SGCD: variants seen among roughly 807,000 people sequenced by gnomAD.
SGCD encodes delta-sarcoglycan.
SGCD carries 18 observed loss-of-function variants against 36.6 expected under a neutral mutation model. The observed-to-expected ratio is 0.49, with a 90% CI of 0.34 to 0.73. The LOEUF is 0.73. Among genes scored for constraint, SGCD ranks in the 30% least tolerant of loss-of-function variants. The probability of loss-of-function intolerance (pLI) is 0.01; values close to 1 mark genes in which losing one functional copy is unlikely to be tolerated. For missense variants in SGCD, 387 were observed against 346.7 expected (o/e 1.12, Z -0.92); for synonymous variants, 133 against 130.6 (o/e 1.02, Z -0.12).
At chr5:156,530,434 A>G (rs1757838557) in intron 4 of SGCD, among the ~76,000 whole-genome samples, 1 of 152,210 alleles carries the variant, frequency 6.6e-6, no homozygotes, top group Non-Finnish European at 1.5e-5. Context: ...TTTATGGCTG[A>G]CTTCAGTTGC....
chr5:155,796,617 A>T, the SGCD span, among the ~76,000 whole-genome samples: 3 of 151,944 alleles, frequency 2.0e-5, no homozygotes, highest in African/African-American at 7.3e-5. Context: ...CAGCCTGACC[A>T]ACATGGAGAA....
intron 4 of SGCD, among the ~76,000 whole-genome samples, chr5:156,576,145 T>C (rs559108253): frequency 9.9e-5 from 15 of 151,842 alleles, no homozygotes; most frequent in African/African-American, 3.6e-4. Context: ...TCCTTGTTCA[T>C]TTCCCACCTA....
At chr5:155,962,207 A>G (rs1358674427) in intron 1 of SGCD, among the ~76,000 whole-genome samples, 1 of 152,090 alleles carries the variant, frequency 6.6e-6, no homozygotes, top group East Asian at 1.9e-4. Context: ...TTTCTTAATC[A>G]TCAGGTTTTA....
At chr5:156,422,259 T>A (rs1773344635) in intron 3 of SGCD, among the ~76,000 whole-genome samples, 1 of 152,064 alleles carries the variant, frequency 6.6e-6, no homozygotes, top group South Asian at 2.1e-4. Context: ...CCCTGTTTGC[T>A]CCCCAAATGT....
At chr5:156,166,214 T>A (rs920155096) in intron 3 of SGCD, among the ~76,000 whole-genome samples, 2 of 152,006 alleles carry the variant, frequency 1.3e-5, no homozygotes, top group African/African-American at 4.8e-5. Flanking sequence ...TATCTTTTTT[T>A]AAAATTACTA....
At chr5:156,685,728 C>G (rs1403170106) in intron 7 of SGCD, among the ~76,000 whole-genome samples, 1 of 152,326 alleles carries the variant, frequency 6.6e-6, no homozygotes, top group South Asian at 2.1e-4. Flanking sequence ...TGGCAGTAAC[C>G]AGTATCTACA....
At chr5:155,756,551 G>A in the SGCD span, among the ~76,000 whole-genome samples, 1 of 152,110 alleles carries the variant, frequency 6.6e-6, no homozygotes, top group Admixed American at 6.6e-5. Flanking sequence ...CCCTAGAGTT[G>A]TTGTAGGGAT....
chr5:156,526,943 G>A (rs371946048), intron 4 of SGCD, among the ~76,000 whole-genome samples: 4 of 152,274 alleles, frequency 2.6e-5, no homozygotes, highest in Admixed American at 6.5e-5. Flanking sequence ...GGCTTTGGTC[G>A]ATCTCAGTTA....
chr5:156,072,231 G>T, intron 1 of SGCD, among the ~76,000 whole-genome samples: 1 of 152,050 alleles, frequency 6.6e-6, no homozygotes, highest in African/African-American at 2.4e-5. Flanking sequence ...AGCCTCGATG[G>T]TCTTTACAAT....
At position 156,508,681 on chromosome 5, in the gene SGCD, C is replaced by T. The variant is rs1453972620; in HGVS notation, c.273C>T (p.Ala91=). ...GDSEFLQPLY[A]KEIQSRPGNA... is the part of the protein sequence containing the mutation. ...CTGAATTCTTACAACCTCTCTACGC[C>T]AAAGAAATCCAGTCCCGACCAGTAA... is the stretch of plus-strand genomic sequence containing the variant. Residue 91 remains alanine, a synonymous_variant, in exon 4 of 9, where the codon GCC becomes GCT. Transcript: ENST00000337851. The T allele has an allele frequency of 4.4e-6, 7 of 1,602,460 alleles. No homozygotes were observed. Among genetic ancestry groups the T allele is most frequent in the Non-Finnish European group, 6.0e-6 (7 of 1,171,788 alleles).
chr5:156,365,286 T>G (rs1770032450), intron 3 of SGCD, among the ~76,000 whole-genome samples: 1 of 152,220 alleles, frequency 6.6e-6, no homozygotes, highest in African/African-American at 2.4e-5. Flanking sequence ...AGGAATTATC[T>G]ATTACCAAAA....
intron 1 of SGCD, among the ~76,000 whole-genome samples, chr5:156,048,348 T>A (rs1259449165): frequency 1.3e-5 from 2 of 152,216 alleles, no homozygotes; most frequent in Non-Finnish European, 2.9e-5. Context: ...AGTAATGAGA[T>A]GGCTGGGTCA....
intron 3 of SGCD, among the ~76,000 whole-genome samples, chr5:156,156,309 G>C (rs1313839517): frequency 6.6e-6 from 1 of 151,426 alleles, no homozygotes; most frequent in Non-Finnish European, 1.5e-5. Context: ...CCCAAATCTT[G>C]CTGTTGAGCA....
intron 4 of SGCD, among the ~76,000 whole-genome samples, chr5:156,531,417 C>T (rs895132714): frequency 6.6e-6 from 1 of 152,158 alleles, no homozygotes; most frequent in African/African-American, 2.4e-5. Flanking sequence ...ATAATGAAAA[C>T]AGGATTTGAC....
intron 4 of SGCD, among the ~76,000 whole-genome samples, chr5:156,533,108 CT>C (rs1757955639): frequency 6.6e-6 from 1 of 152,158 alleles, no homozygotes; most frequent in African/African-American, 2.4e-5. Context: ...ATGCAGGACG[CT>C]TGCCAGTTTC....
chr5:156,275,998 C>G (rs1221686518), intron 3 of SGCD, among the ~76,000 whole-genome samples: 2 of 152,100 alleles, frequency 1.3e-5, no homozygotes, highest in Admixed American at 1.3e-4. Context: ...GGTATTATGT[C>G]TATTCTTGAA....
intron 3 of SGCD, among the ~76,000 whole-genome samples, chr5:156,498,286 T>A (rs1170020859): frequency 1.3e-5 from 2 of 150,674 alleles, no homozygotes; most frequent in Non-Finnish European, 3.0e-5. Flanking sequence ...AAACACCTCG[T>A]TAGGGTTATA....
At chr5:156,315,112 A>G (rs759069365) in intron 3 of SGCD, among the ~76,000 whole-genome samples, 3 of 151,972 alleles carry the variant, frequency 2.0e-5, no homozygotes, top group Non-Finnish European at 4.4e-5. Flanking sequence ...AGAAAGCATT[A>G]TTATTAATTA....
At chr5:156,408,873 C>T (rs1482724250) in intron 3 of SGCD, among the ~76,000 whole-genome samples, 1 of 152,126 alleles carries the variant, frequency 6.6e-6, no homozygotes, top group African/African-American at 2.4e-5. Context: ...TTAGGCAAGT[C>T]CCTGGGCTTC....
Sources: gnomAD v4.1 joint callset for allele counts (sites outside exome capture counted in the v4.1 genomes callset) on GRCh38, gnomAD v4.1.1 for gene constraint, MANE v1.5 for transcripts, NCBI Gene and HGNC (gene_info 2026-07-23, HGNC 2026-07-21) for gene names.